The following POLG variants were observed in gnomAD, a reference collection of about 807,000 sequenced individuals.
POLG encodes DNA polymerase subunit gamma-1.
POLG carries 110 observed loss-of-function variants against 155.4 expected under a neutral mutation model. The ratio of observed to expected loss-of-function variants is 0.71; its 90% CI spans 0.61 to 0.83. The LOEUF (loss-of-function observed/expected upper bound fraction) is 0.83. Ranked by LOEUF, POLG falls within the 40% of genes least tolerant of loss-of-function variation. POLG has a pLI of 0.00. For missense variants in POLG, 1,685 were observed against 1,627.5 expected, an observed-to-expected ratio of 1.04 and a Z score of -0.61; for synonymous variants, 701 against 631.5, an observed-to-expected ratio of 1.11 and a Z score of -1.65.
At position 89,318,918 on chromosome 15, in the gene POLG, G is replaced by A; in HGVS notation, c.3273+13C>T. 2 of 1,613,966 alleles carry A rather than the reference G, an allele frequency of 1.2e-6. No homozygotes were observed. The highest frequency in any genetic ancestry group is 1.7e-6 in the Non-Finnish European group (2 of 1,179,908). ...GGGGCCCCTCTGCCCATGCTCCAAA[G>A]GTAGCAAGATACCTCTTCCTGGACA... On this transcript the variant is annotated intron_variant, in intron 20 of 22. Coordinates refer to ENST00000268124, the MANE Select transcript of POLG (RefSeq NM_002693.3).
At chr15:89,324,751 A>G (rs541553611) in intron 10 of POLG, among the ~76,000 whole-genome samples, 17 of 152,366 alleles carry the variant, frequency 1.1e-4, no homozygotes, top group Admixed American at 3.3e-4. Flanking sequence ...GTCAACTACA[A>G]CATGGGGATA....
At chr15:89,324,376 G>T in intron 10 of POLG, 149 bp from the exon 11 acceptor site, 1 of 880,130 alleles carries the variant, frequency 1.1e-6, no homozygotes, top group Non-Finnish European at 1.8e-6. Context: ...CCGGGTTTTA[G>T]ACAGGGATTG....
intron 14 of POLG, among the ~76,000 whole-genome samples, chr15:89,322,233 G>A (rs544968021): frequency 1.2e-4 from 18 of 152,214 alleles, no homozygotes; most frequent in South Asian, 8.3e-4. Context: ...CCAGGCCTCC[G>A]AGCGAGCTTC....
chr15:89,316,683 C>G lies in POLG; in HGVS notation c.*68G>C. On this transcript the variant is annotated 3_prime_UTR_variant, in exon 23 of 23. Coordinates refer to ENST00000268124, the MANE Select transcript of POLG (RefSeq NM_002693.3). ...TTTTGCAAAAAGCACAGCTGAAAGCCTGAGTTTGGGAGCCTGCACCACCCC... is the reference window on the plus strand; with the variant it reads ...TTTTGCAAAAAGCACAGCTGAAAGCGTGAGTTTGGGAGCCTGCACCACCCC... 7.3e-7 allele frequency: 1 copy of G among 1,369,290 alleles called. No homozygotes were observed. The highest frequency in any genetic ancestry group is 1.2e-5 in the South Asian group (1 of 85,616). The allele number at this position is 1,369,290 out of a possible 1,614,324, so 84.8% of individuals were successfully genotyped here.
chr15:89,321,355 A>T, intron 16 of POLG, 95 bp from the exon 17 acceptor site: 1 of 1,425,502 alleles, frequency 7.0e-7, no homozygotes, highest in South Asian at 1.2e-5. Context: ...TCCTGAGGGG[A>T]TGGCTTTAGA....
At chr15:89,330,536 T>G (rs1348256750) in intron 2 of POLG, among the ~76,000 whole-genome samples, 1 of 152,218 alleles carries the variant, frequency 6.6e-6, no homozygotes, top group Non-Finnish European at 1.5e-5. Context: ...TAGACCTACG[T>G]GCAGGTATTC....
In POLG at chr15:89,326,934, AG is replaced by A. The variant is rs1567191094; in HGVS notation, c.1562del (p.Pro521LeufsTer32). ...SKLPIEGAGAPGDPMDQEDLG... is the reference protein window; with the variant it reads ...SKLPIEGAGAXGDPMDQEDLG... ...CACCTTCCTGATCCATGGGATCACC[AG>A]GGGCCCCAGCCCCCTCGATGGGCAA... On this transcript the variant is annotated frameshift_variant, in exon 8 of 23. Transcript: ENST00000268124. LOFTEE classifies it high-confidence loss of function. 1 of 1,614,088 alleles carries A rather than the reference AG, an allele frequency of 6.2e-7. No individual in the cohort carries two copies.
rs112443281 is a variant in POLG at position 89,325,115 on chromosome 15, T to G, written c.1949+335A>C. ...GAGTGAGTGAGAGAGTGAGAGAGAGTGAGTGAGTGAGTGAGAGAGTGAGTG... is the reference window on the plus strand; with the variant it reads ...GAGTGAGTGAGAGAGTGAGAGAGAGGGAGTGAGTGAGTGAGAGAGTGAGTG... On this transcript the variant is annotated intron_variant, in intron 10 of 22. Transcript: ENST00000268124. Among the ~76,000 whole-genome samples, 14 of 29,270 alleles carry G rather than the reference T, an allele frequency of 4.8e-4. 1 individual carries two copies. Among genetic ancestry groups the G allele is most frequent in the African/African-American group, 2.9e-3 (11 of 3,828 alleles). The allele number at this position is 29,270 out of a possible 152,430, so 19.2% of individuals were successfully genotyped here. A position where few individuals can be genotyped will look rare whatever the true frequency, so the allele number is the denominator to read the frequency against.
intron 2 of POLG, among the ~76,000 whole-genome samples, chr15:89,331,246 C>T (rs1468455842): frequency 1.3e-5 from 2 of 152,222 alleles, no homozygotes; most frequent in Non-Finnish European, 2.9e-5. Context: ...CTGACAAAAT[C>T]GAACTCATAC....
chr15:89,316,605 G>A lies in POLG; in HGVS notation c.*146C>T, dbSNP rs2055273481. On this transcript the variant is annotated 3_prime_UTR_variant, in exon 23 of 23. Coordinates refer to ENST00000268124, the MANE Select transcript of POLG (RefSeq NM_002693.3). The stretch of plus-strand genomic sequence containing the variant: ...ATTCAACTGCACCTTCAGTTAGAAG[G>A]AATCTTCTTGGCAGGTCCTGCTACT... 2 of 1,101,358 alleles carry A rather than the reference G, an allele frequency of 1.8e-6. No homozygotes were observed. The highest frequency in any genetic ancestry group is 1.5e-5 in the African/African-American group (1 of 64,566). The allele number at this position is 1,101,358 out of a possible 1,614,324, so 68.2% of individuals were successfully genotyped here.
At chr15:89,322,927 G>C in intron 13 of POLG, 25 bp from the exon 14 acceptor site, 1 of 1,608,782 alleles carries the variant, frequency 6.2e-7, no homozygotes, top group Non-Finnish European at 8.5e-7. Context: ...GGAAGCAGGG[G>C]CTGGAGGCAG....
chr15:89,326,862 T>C (rs1318957126), intron 8 of POLG, 50 bp downstream of exon 8: 1 of 1,611,906 alleles, frequency 6.2e-7, no homozygotes, highest in Admixed American at 1.7e-5. Flanking sequence ...TCACAGGACC[T>C]TCCCAGAGAC....
At chr15:89,332,992 G>C (rs985986808) in intron 2 of POLG, 104 bp downstream of exon 2, 1 of 1,445,522 alleles carries the variant, frequency 6.9e-7, no homozygotes, top group East Asian at 2.4e-5. Flanking sequence ...CGCTCCCTAC[G>C]TGAGCACCCA....
At chr15:89,319,135 T>G (rs2246900) in intron 19 of POLG, 36 bp from the exon 20 acceptor site, 1 of 1,613,976 alleles carries the variant, frequency 6.2e-7, no homozygotes, top group Non-Finnish European at 8.5e-7. Context: ...ACTTTGTCTT[T>G]CAGCATCTCA....
intron 10 of POLG, among the ~76,000 whole-genome samples, chr15:89,325,236 G>A (rs554459519): frequency 3.1e-5 from 3 of 97,438 alleles, no homozygotes; most frequent in African/African-American, 1.3e-4. Context: ...GTGAGTGAGA[G>A]AGTGAGTGAG....
At chr15:89,317,570 C>A (rs1323456455) in intron 21 of POLG, 34 bp from the exon 22 acceptor site, 1 of 1,604,812 alleles carries the variant, frequency 6.2e-7, no homozygotes, top group African/African-American at 1.3e-5. Flanking sequence ...CACAGTCATG[C>A]CCCTCCTGTG....
Position 89,333,611 on chromosome 15 carries a change from C to T in POLG, c.144G>A (p.Gln48=), listed in dbSNP as rs763968001. 1 of 1,599,002 alleles carries T rather than the reference C, an allele frequency of 6.3e-7. No homozygotes were observed. Among genetic ancestry groups the T allele is most frequent in the Non-Finnish European group, 8.5e-7 (1 of 1,174,686 alleles). ...GQRRRQQQQQ[Q]QQQQQQQPQQ... ...GAGGCTGCTGTTGCTGCTGCTGCTG[C>T]TGCTGCTGCTGCTGCTGCCGCCGCC... Residue 48 remains glutamine, a synonymous_variant, in exon 2 of 23, where the codon CAG becomes CAA. Transcript: ENST00000268124.
In POLG at chr15:89,325,582, G is replaced by T; in HGVS notation, c.1817C>A (p.Thr606Asn). 1.2e-6 allele frequency: 2 copies of T among 1,613,796 alleles called. No individual in the cohort carries two copies. ...MRVTPKLMAL[T>N]WDGFPLHYSE... ...GTAGTGCAGAGGGAAGCCATCCCAG[G>T]TAAGTGCCATGAGTTTAGGTGTGAC... is the stretch of plus-strand genomic sequence containing the variant. Residue 606 changes from threonine to asparagine, a missense_variant, in exon 10 of 23, where the codon ACC (threonine) becomes AAC (asparagine). Around this residue, in one of 3 missense-constraint regions of POLG, gnomAD observed 1,210 missense variants for 1,167.1 expected, o/e 1.04. Coordinates refer to ENST00000268124, the MANE Select transcript of POLG (RefSeq NM_002693.3).
At chr15:89,328,388 G>C (rs997143090) in intron 6 of POLG, 68 bp downstream of exon 6, 31 of 1,266,364 alleles carry the variant, frequency 2.4e-5, no homozygotes, top group Non-Finnish European at 3.3e-5. Flanking sequence ...AGCGCCACCT[G>C]ATTACAGTGG....
Sources: gnomAD v4.1 joint callset for allele counts (sites outside exome capture counted in the v4.1 genomes callset) on GRCh38, gnomAD v4.1.1 for gene constraint, gnomAD v4.1.1 regional missense constraint, MANE v1.5 for transcripts, NCBI Gene and HGNC (gene_info 2026-07-23, HGNC 2026-07-21) for gene names.